PAPPA2: variants seen among roughly 807,000 people sequenced by gnomAD.
PAPPA2 encodes the protein pappalysin 2, also known as pappalysin-2.
PAPPA2 carries 86 observed loss-of-function variants against 176.4 expected under a neutral mutation model. The observed-to-expected ratio is 0.49, with a 90% confidence interval of 0.41 to 0.58. PAPPA2 has a LOEUF of 0.58. PAPPA2 is among the 20% of genes least tolerant of loss of function. PAPPA2 has a pLI of 0.00. For synonymous variants in PAPPA2, 809 were observed against 852.2 expected, an observed-to-expected ratio of 0.95 and a Z score of 0.88; for missense variants, 2,073 against 2,256.9, an observed-to-expected ratio of 0.92 and a Z score of 1.65.
chr1:176,774,867 C>T (rs1664387056), intron 17 of PAPPA2, among the ~76,000 whole-genome samples: 1 of 152,162 alleles, frequency 6.6e-6, no homozygotes, highest in African/African-American at 2.4e-5. Context: ...CCTGGCAGAC[C>T]CTTCAGCTCT....
intron 17 of PAPPA2, among the ~76,000 whole-genome samples, chr1:176,785,031 A>G (rs1403670010): frequency 6.6e-6 from 1 of 152,124 alleles, no homozygotes; most frequent in Non-Finnish European, 1.5e-5. Context: ...ATACCATCAC[A>G]TTGGGAGTTA....
At chr1:176,573,053 TG>T (rs1652445809) in intron 2 of PAPPA2, among the ~76,000 whole-genome samples, 1 of 152,034 alleles carries the variant, frequency 6.6e-6, no homozygotes, top group African/African-American at 2.4e-5. Flanking sequence ...TTGAGAGAGA[TG>T]GGGTGAGGGT....
At chr1:176,609,514 C>T (rs1654792729) in intron 3 of PAPPA2, among the ~76,000 whole-genome samples, 3 of 152,070 alleles carry the variant, frequency 2.0e-5, no homozygotes, top group South Asian at 2.1e-4. Context: ...GAAAGTCTTA[C>T]TGAAAAGATG....
At chr1:176,829,187 A>C (rs1666975632) in intron 21 of PAPPA2, among the ~76,000 whole-genome samples, 2 of 152,124 alleles carry the variant, frequency 1.3e-5, no homozygotes. Context: ...TCACCTTAGC[A>C]GTCTCTGCTT....
chr1:176,726,141 A>AATGATTTACTCATTTACTCATT (rs1233000279), intron 12 of PAPPA2, among the ~76,000 whole-genome samples: 1 of 152,112 alleles, frequency 6.6e-6, no homozygotes, highest in Non-Finnish European at 1.5e-5. Context: ...CTTCTCTGTA[A>AATGATTTACTCATTTACTCATT]ATGATTTACT....
chr1:176,809,350 G>T (rs1317205939), intron 21 of PAPPA2, among the ~76,000 whole-genome samples: 1 of 152,196 alleles, frequency 6.6e-6, no homozygotes, highest in Non-Finnish European at 1.5e-5. Flanking sequence ...GGAGTGGCTG[G>T]ATTACTGAAA....
At chr1:176,799,950 G>C (rs1665604983) in intron 20 of PAPPA2, 111 bp from the exon 21 acceptor site, 2 of 1,071,244 alleles carry the variant, frequency 1.9e-6, no homozygotes, top group Non-Finnish European at 2.8e-6. Context: ...TTAGAAACTA[G>C]CTGCTTGAGA....
chr1:176,518,899 A>C (rs1002103510), intron 1 of PAPPA2, among the ~76,000 whole-genome samples: 13 of 152,318 alleles, frequency 8.5e-5, no homozygotes, highest in African/African-American at 3.1e-4. Context: ...TTAAAAAAAA[A>C]CAGTAGAAAA....
At chr1:176,781,109 G>A (rs1196693641) in intron 17 of PAPPA2, among the ~76,000 whole-genome samples, 3 of 152,114 alleles carry the variant, frequency 2.0e-5, no homozygotes, top group Non-Finnish European at 4.4e-5. Flanking sequence ...GACGAGGAAA[G>A]GAGATGTAGA....
At chr1:176,715,412 C>T (rs148341380) in intron 12 of PAPPA2, among the ~76,000 whole-genome samples, 9 of 152,252 alleles carry the variant, frequency 5.9e-5, no homozygotes, top group Middle Eastern at 3.4e-3. Context: ...TTTGACCACC[C>T]CCACTGGAGC....
chr1:176,751,373 G>C (rs1218077304), intron 14 of PAPPA2, among the ~76,000 whole-genome samples: 2 of 143,708 alleles, frequency 1.4e-5, no homozygotes, highest in African/African-American at 5.2e-5. Context: ...CTTCTGCACA[G>C]CAAAAGAAAC....
intron 1 of PAPPA2, among the ~76,000 whole-genome samples, chr1:176,542,557 T>A (rs898947748): frequency 6.6e-6 from 1 of 152,194 alleles, no homozygotes; most frequent in African/African-American, 2.4e-5. Context: ...TGTTTGCCAG[T>A]CTACCAAGCC....
intron 1 of PAPPA2, among the ~76,000 whole-genome samples, chr1:176,523,327 C>T (rs961357044): frequency 2.6e-5 from 4 of 152,170 alleles, no homozygotes; most frequent in African/African-American, 9.7e-5. Flanking sequence ...AGAACTATTC[C>T]CTTGGATGGT....
At chr1:176,770,822 TG>T in intron 16 of PAPPA2, 144 bp from the exon 17 acceptor site, 1 of 698,232 alleles carries the variant, frequency 1.4e-6, no homozygotes, top group East Asian at 2.7e-5. Flanking sequence ...ACATTTGATG[TG>T]GGATTTTTGA....
At chr1:176,779,014 C>A (rs1258441389) in intron 17 of PAPPA2, among the ~76,000 whole-genome samples, 1 of 152,086 alleles carries the variant, frequency 6.6e-6, no homozygotes, top group African/African-American at 2.4e-5. Flanking sequence ...CTACAAGGGG[C>A]CTGGTGACTG....
At chr1:176,661,174 G>A (rs1658339702) in intron 3 of PAPPA2, among the ~76,000 whole-genome samples, 1 of 151,976 alleles carries the variant, frequency 6.6e-6, no homozygotes, top group African/African-American at 2.4e-5. Context: ...TTTCTACCAT[G>A]AGAATGAAAA....
chr1:176,806,929 T>C (rs1318139063), intron 21 of PAPPA2, among the ~76,000 whole-genome samples: 1 of 152,194 alleles, frequency 6.6e-6, no homozygotes, highest in Non-Finnish European at 1.5e-5. Context: ...AACTTCTTAT[T>C]CATTGGATGG....
intron 8 of PAPPA2, among the ~76,000 whole-genome samples, chr1:176,699,977 ATTC>A (rs1660571790): frequency 6.6e-6 from 1 of 152,172 alleles, no homozygotes. Context: ...GGTATAGTCA[ATTC>A]TTCTATTGCT....
chr1:176,800,899 C>G (rs1385560276), intron 21 of PAPPA2, among the ~76,000 whole-genome samples: 1 of 152,184 alleles, frequency 6.6e-6, no homozygotes. Flanking sequence ...TTGTCTACTT[C>G]TTCACATAGT....
Sources: gnomAD v4.1 joint callset for allele counts (sites outside exome capture counted in the v4.1 genomes callset) on GRCh38, gnomAD v4.1.1 for gene constraint, MANE v1.5 for transcripts, NCBI Gene and HGNC (gene_info 2026-07-23, HGNC 2026-07-21) for gene names.